FBXW11: variants seen among roughly 807,000 people sequenced by gnomAD.
FBXW11 encodes F-box/WD repeat-containing protein 11.
A neutral mutation model predicts 77.6 loss-of-function variants in FBXW11; 19 were observed. The ratio of observed to expected loss-of-function variants is 0.24; its 90% CI spans 0.17 to 0.36. FBXW11 has a LOEUF of 0.36. FBXW11 is among the 10% of genes least tolerant of loss of function. The probability of loss-of-function intolerance (pLI) is 1.00; values close to 1 mark genes in which losing one functional copy is unlikely to be tolerated. For synonymous variants in FBXW11, 235 were observed against 249.4 expected, an observed-to-expected ratio of 0.94 and a Z score of 0.54; for missense variants, 334 against 704.2, an observed-to-expected ratio of 0.47 and a Z score of 5.95.
At chr5:171,969,846 G>A (rs1003409257) in intron 1 of FBXW11, among the ~76,000 whole-genome samples, 2 of 152,088 alleles carry the variant, frequency 1.3e-5, no homozygotes, top group African/African-American at 4.8e-5. Context: ...TGGGATTACA[G>A]GTGTGCACCA....
At chr5:171,930,760 A>T (rs1198769139) in intron 2 of FBXW11, among the ~76,000 whole-genome samples, 4 of 67,700 alleles carry the variant, frequency 5.9e-5, no homozygotes, top group African/African-American at 2.1e-4. Flanking sequence ...AAAATAAAAA[A>T]ATAAAAAAAA....
chr5:171,930,747 T>G (rs10074511), intron 2 of FBXW11, among the ~76,000 whole-genome samples: 3 of 41,502 alleles, frequency 7.2e-5, no homozygotes, highest in South Asian at 1.3e-3. Flanking sequence ...AAATAAAAAA[T>G]AAAAAATAAA....
chr5:171,914,484 A>C (rs1257610999), intron 2 of FBXW11, 79 bp from the exon 3 acceptor site: 1 of 1,259,540 alleles, frequency 7.9e-7, no homozygotes, highest in Non-Finnish European at 1.1e-6. Context: ...AATTTTGAAA[A>C]CCCAAACTAG....
chr5:171,932,395 A>T (rs1762255975), intron 2 of FBXW11, among the ~76,000 whole-genome samples: 1 of 152,220 alleles, frequency 6.6e-6, no homozygotes, highest in South Asian at 2.1e-4. Context: ...AAACACCATG[A>T]AATGCTGGAG....
intron 1 of FBXW11, among the ~76,000 whole-genome samples, chr5:171,976,221 G>A (rs1378467766): frequency 6.6e-6 from 1 of 152,174 alleles, no homozygotes; most frequent in East Asian, 1.9e-4. Context: ...AGAGAGGGGA[G>A]AGGGGATGCT....
intron 1 of FBXW11, among the ~76,000 whole-genome samples, chr5:171,986,014 G>A (rs1765420423): frequency 3.3e-5 from 5 of 152,146 alleles, no homozygotes; most frequent in Admixed American, 3.3e-4. Context: ...TAGGAGTTAC[G>A]TACAGGAAAG....
At chr5:171,933,399 A>C (rs1384975307) in intron 2 of FBXW11, among the ~76,000 whole-genome samples, 1 of 152,224 alleles carries the variant, frequency 6.6e-6, no homozygotes, top group Non-Finnish European at 1.5e-5. Flanking sequence ...CAGTGAAACT[A>C]TTCTGTATGA....
At chr5:171,926,550 T>A (rs956138801) in intron 2 of FBXW11, among the ~76,000 whole-genome samples, 2 of 152,168 alleles carry the variant, frequency 1.3e-5, no homozygotes, top group Admixed American at 1.3e-4. Context: ...CGAGACCTGA[T>A]TGTTTAAAAG....
At chr5:171,958,504 T>C (rs532308091) in intron 1 of FBXW11, among the ~76,000 whole-genome samples, 9 of 152,260 alleles carry the variant, frequency 5.9e-5, no homozygotes, top group South Asian at 2.1e-4. Context: ...AGGAAAAACA[T>C]TGGAACGTCA....
At chr5:171,967,088 CTGATT>C in intron 1 of FBXW11, among the ~76,000 whole-genome samples, 1 of 152,278 alleles carries the variant, frequency 6.6e-6, no homozygotes, top group East Asian at 1.9e-4. Flanking sequence ...GCAAGTTTCC[CTGATT>C]TATTTTCAAA....
chr5:172,005,799 C>T (rs566355297), intron 1 of FBXW11, among the ~76,000 whole-genome samples: 3 of 152,306 alleles, frequency 2.0e-5, no homozygotes, highest in East Asian at 1.9e-4. Context: ...GTACCTGGGC[C>T]CTTGCTATGC....
In FBXW11 at chr5:171,910,472, C is replaced by T. The variant is rs182507260; in HGVS notation, c.436+100G>A. ...AGTATGCGTCCCAAAGAAATGCTGC[C>T]TCACACAGTACTCATTCAATCATTT... On this transcript the variant is annotated intron_variant, in intron 4 of 13. Coordinates refer to ENST00000517395, the MANE Select transcript of FBXW11 (RefSeq NM_001378974.1). 6.3e-4 allele frequency: 444 copies of T among 704,030 alleles called. 2 individuals are homozygous for T. The African/African-American group carries it at 7.3e-3, about 12-fold the overall frequency. 43.6% of individuals were successfully genotyped at this position (704,030 alleles called of 1,614,324 possible).
intron 2 of FBXW11, among the ~76,000 whole-genome samples, chr5:171,934,920 G>A (rs754814024): frequency 6.6e-6 from 1 of 152,098 alleles, no homozygotes; most frequent in Non-Finnish European, 1.5e-5. Flanking sequence ...GAGGGATATA[G>A]GGAATGACAG....
At chr5:171,980,740 C>T (rs1251480267) in intron 1 of FBXW11, among the ~76,000 whole-genome samples, 1 of 152,118 alleles carries the variant, frequency 6.6e-6, no homozygotes, top group Non-Finnish European at 1.5e-5. Flanking sequence ...TAAGAATGTA[C>T]AACCACTTTG....
At chr5:171,924,863 C>T (rs1157953722) in intron 2 of FBXW11, among the ~76,000 whole-genome samples, 1 of 150,468 alleles carries the variant, frequency 6.6e-6, no homozygotes, top group Non-Finnish European at 1.5e-5. Context: ...GCCAGAGTTG[C>T]GACATGCTGT....
intron 7 of FBXW11, among the ~76,000 whole-genome samples, chr5:171,878,603 A>AGAGTGT (rs138423567): frequency 0.056 from 7,143 of 128,364 alleles, 260 homozygotes; most frequent in Non-Finnish European, 0.066. Context: ...AGAGAGAGAG[A>AGAGTGT]GTGTGTGTGT....
At chr5:171,969,612 G>A (rs1415555100) in intron 1 of FBXW11, among the ~76,000 whole-genome samples, 1 of 152,212 alleles carries the variant, frequency 6.6e-6, no homozygotes, top group African/African-American at 2.4e-5. Flanking sequence ...TTGCTAAACG[G>A]AAAAAGATGG....
intron 1 of FBXW11, among the ~76,000 whole-genome samples, chr5:171,977,407 A>G (rs1303212085): frequency 6.6e-6 from 1 of 152,160 alleles, no homozygotes; most frequent in Non-Finnish European, 1.5e-5. Context: ...GTATTTTGTT[A>G]TAGCAGCACA....
rs1469470660 is a variant in FBXW11 at position 171,869,738 on chromosome 5, G to C, written c.1521C>G (p.Arg507=). The C allele has an allele frequency of 5.0e-6, 8 of 1,609,486 alleles. No individual in the cohort carries two copies. The highest frequency in any genetic ancestry group is 5.1e-6 in the Non-Finnish European group (6 of 1,177,540). Residue 507 remains arginine, a synonymous_variant, in exon 12 of 14, where the codon CGC becomes CGG. Transcript: ENST00000517395. This position sits in a 1 kb window ranked among gnomAD's most constrained non-coding sequence, Gnocchi z 4.1. ...PRAPASTLCL[R]TLVEHSGRVF... Reference sequence around the variant, plus strand: ...TCAAGAGATCACATACCACCAATGTGCGCAAACACAATGTGCTTGCTGGGG... The same window carrying C: ...TCAAGAGATCACATACCACCAATGTCCGCAAACACAATGTGCTTGCTGGGG...
Sources: gnomAD v4.1 joint callset for allele counts (sites outside exome capture counted in the v4.1 genomes callset) on GRCh38, gnomAD v4.1.1 for gene constraint, Gnocchi (gnomAD v3.1) non-coding constraint, MANE v1.5 for transcripts, NCBI Gene and HGNC (gene_info 2026-07-23, HGNC 2026-07-21) for gene names.